Variants in PCDH15 observed in about 807,000 individuals in gnomAD.
PCDH15 encodes protocadherin related 15.
In PCDH15, 129 loss-of-function variants were observed where a neutral mutation model predicts 178.5. The ratio of observed to expected loss-of-function variants is 0.72; its 90% CI spans 0.63 to 0.84. PCDH15 has a LOEUF of 0.84. Ranked by LOEUF, PCDH15 falls within the 40% of genes least tolerant of loss-of-function variation. The probability of loss-of-function intolerance (pLI) is 0.00; values close to 1 mark genes in which losing one functional copy is unlikely to be tolerated. For missense variants in PCDH15, 2,230 were observed against 2,099.9 expected, an observed-to-expected ratio of 1.06 and a Z score of -1.21; for synonymous variants, 800 against 732.0, an observed-to-expected ratio of 1.09 and a Z score of -1.50.
At chr10:54,158,036 T>A (rs905936351) in intron 13 of PCDH15, among the ~76,000 whole-genome samples, 2 of 152,186 alleles carry the variant, frequency 1.3e-5, no homozygotes, top group Non-Finnish European at 2.9e-5. Context: ...GACAAGTCTC[T>A]AGGAAGTTCC....
Position 53,982,801 on chromosome 10 carries a change from C to T in PCDH15, c.2868+12848G>A, listed in dbSNP as rs538571398. Among the ~76,000 whole-genome samples the T allele has an allele frequency of 7.2e-3, 1,077 of 150,618 alleles. 8 individuals are homozygous for T. Among genetic ancestry groups the T allele is most frequent in the Non-Finnish European group, 0.011 (766 of 67,668 alleles). ...TAACCTGCACATTGTGCACATGTAC[C>T]CTAAAACTTAAAGTATAATAATAAT... On this transcript the variant is annotated intron_variant, in intron 21 of 37. Transcript: ENST00000644397.
upstream of PCDH15, among the ~76,000 whole-genome samples, chr10:54,802,293 G>A (rs761582565): frequency 3.9e-5 from 6 of 152,240 alleles, no homozygotes; most frequent in Non-Finnish European, 8.8e-5. Context: ...AAAACAAAAT[G>A]GACTTATCTT....
At chr10:55,032,552 T>A (rs1257493474) in intron 2 of PCDH15, among the ~76,000 whole-genome samples, 1 of 152,158 alleles carries the variant, frequency 6.6e-6, no homozygotes, top group African/African-American at 2.4e-5. Flanking sequence ...ATTTGCCACA[T>A]CTGGCATAAA....
intron 2 of PCDH15, among the ~76,000 whole-genome samples, chr10:55,061,284 T>C (rs1408682852): frequency 6.6e-6 from 1 of 152,166 alleles, no homozygotes; most frequent in Non-Finnish European, 1.5e-5. Flanking sequence ...AGATACATAG[T>C]TGTCAAATAA....
chr10:54,397,246 T>G lies in PCDH15; in HGVS notation c.158-18304A>C, dbSNP rs568802848. 1.7e-3 allele frequency among the ~76,000 whole-genome samples: 259 copies of G among 152,200 alleles called. 2 individuals carry two copies. The highest frequency in any genetic ancestry group is 6.1e-3 in the African/African-American group (253 of 41,544). On this transcript the variant is annotated intron_variant, in intron 3 of 37. Transcript: ENST00000644397. ...GTGAGTTTTATAACCCAGGGATGTC[T>G]TAAAAAACTTGGAGACATCCCTTTG...
Position 55,284,084 on chromosome 10 carries a change from T to TA in PCDH15, c.-156+35514_-156+35515insT, listed in dbSNP as rs1168509987. ...GAGATATTGCAATGGATGCTTTGGT[T>TA]TTCATAAAATTCCACACAAATCCCA... On this transcript the variant is annotated intron_variant, in intron 1 of 5. Transcript: ENST00000458638. 9.5e-4 allele frequency among the ~76,000 whole-genome samples: 145 copies of TA among 152,190 alleles called. 5 individuals are homozygous for TA. The highest frequency in any genetic ancestry group is 3.2e-3 in the African/African-American group (133 of 41,492).
chr10:55,624,239 T>C (rs1320694856), intron 2 of PCDH15, among the ~76,000 whole-genome samples: 1 of 151,952 alleles, frequency 6.6e-6, no homozygotes, highest in Non-Finnish European at 1.5e-5. Flanking sequence ...TTCCTAATTT[T>C]TTCCCCAGGG....
intron 1 of PCDH15, among the ~76,000 whole-genome samples, chr10:54,736,038 T>A (rs1944071611): frequency 6.6e-6 from 1 of 151,864 alleles, no homozygotes; most frequent in African/African-American, 2.4e-5. Context: ...AGAAATATAC[T>A]TTCTGAATGT....
At chr10:55,360,381 C>T (rs982773520) in intron 2 of PCDH15, among the ~76,000 whole-genome samples, 36 of 151,740 alleles carry the variant, frequency 2.4e-4, no homozygotes, top group Non-Finnish European at 5.3e-4. Flanking sequence ...ACACAACATG[C>T]CAACAAGGAG....
intron 3 of PCDH15, among the ~76,000 whole-genome samples, chr10:54,476,454 C>A (rs77441249): frequency 6.6e-6 from 1 of 151,720 alleles, no homozygotes; most frequent in African/African-American, 2.4e-5. Flanking sequence ...ACTTTTTTTC[C>A]CCAGTGAAAT....
intron 18 of PCDH15, among the ~76,000 whole-genome samples, chr10:54,028,753 A>C (rs911976148): frequency 4.2e-4 from 60 of 142,470 alleles, no homozygotes; most frequent in African/African-American, 1.4e-3. Flanking sequence ...TCACATGGAC[A>C]CAGGAAGGGG....
rs140106134 is a variant in PCDH15 at position 53,998,995 on chromosome 10, G to C, written c.2752-3230C>G. ...TTGAACCCAGGAGGCGGATGTTGCA[G>C]TGAGCCGAGATCGCGCCATTGCACT... On this transcript the variant is annotated intron_variant, in intron 20 of 37. Coordinates refer to ENST00000644397, the MANE Select transcript of PCDH15 (RefSeq NM_001384140.1). 3.8e-3 allele frequency among the ~76,000 whole-genome samples: 568 copies of C among 148,668 alleles called. 5 individuals are homozygous for C. Among genetic ancestry groups the C allele is most frequent in the African/African-American group, 0.013 (535 of 40,040 alleles).
chr10:55,100,822 G>A lies in PCDH15; in HGVS notation c.-80+65754C>T, dbSNP rs371401046. ...AAATTTTGACATGAGTTTTGGAGGG[G>A]AAAATATCTAAACCTTAGCATTAAA... On this transcript the variant is annotated intron_variant, in intron 2 of 5. Transcript: ENST00000458638. Among the ~76,000 whole-genome samples the A allele has an allele frequency of 2.0e-4, 30 of 152,200 alleles. No homozygotes were observed. In the South Asian group the frequency reaches 4.4e-3, roughly 22 times the overall value.
chr10:54,027,926 A>C (rs377248489), intron 18 of PCDH15, among the ~76,000 whole-genome samples: 2,053 of 150,448 alleles, frequency 0.014, 36 homozygotes, highest in African/African-American at 0.048. Context: ...GCAACAAAAG[A>C]CAAAATTGAC....
At chr10:54,585,899 A>C (rs953217367) in intron 2 of PCDH15, among the ~76,000 whole-genome samples, 1 of 152,170 alleles carries the variant, frequency 6.6e-6, no homozygotes. Flanking sequence ...TAGCCACTTC[A>C]TCTCTGCCTC....
chr10:54,715,651 G>T (rs1366239979), intron 1 of PCDH15, among the ~76,000 whole-genome samples: 2 of 151,958 alleles, frequency 1.3e-5, no homozygotes, highest in Non-Finnish European at 2.9e-5. Flanking sequence ...TATCTCCTGG[G>T]ATAGGAGCTT....
chr10:54,542,016 AT>A (rs1192614293), intron 2 of PCDH15, among the ~76,000 whole-genome samples: 2 of 152,242 alleles, frequency 1.3e-5, no homozygotes, highest in Non-Finnish European at 2.9e-5. Flanking sequence ...GTATGGATTA[AT>A]TTTTGAAACA....
chr10:54,470,306 G>A (rs978315988), intron 3 of PCDH15, among the ~76,000 whole-genome samples: 11 of 152,142 alleles, frequency 7.2e-5, no homozygotes, highest in African/African-American at 1.2e-4. Context: ...GCTTTTAAGC[G>A]TGTGGCGACC....
At chr10:54,946,330 G>A (rs1204451442) in intron 2 of PCDH15, among the ~76,000 whole-genome samples, 1 of 151,686 alleles carries the variant, frequency 6.6e-6, no homozygotes, top group Admixed American at 6.6e-5. Flanking sequence ...ATTTGCCCTA[G>A]TTGAAACAAT....
Sources: gnomAD v4.1 joint callset for allele counts (sites outside exome capture counted in the v4.1 genomes callset) on GRCh38, gnomAD v4.1.1 for gene constraint, MANE v1.5 for transcripts, NCBI Gene and HGNC (gene_info 2026-07-23, HGNC 2026-07-21) for gene names.